Variants in SH3KBP1 observed in about 807,000 individuals in gnomAD.
SH3KBP1 encodes SH3 domain containing kinase binding protein 1, also known as SH3 domain-containing kinase-binding protein 1.
Under a neutral mutation model 50.1 loss-of-function variants are expected in SH3KBP1, and 8 were observed. The ratio of observed to expected loss-of-function variants is 0.16; its 90% confidence interval spans 0.09 to 0.29. The LOEUF is 0.29. Among genes scored for constraint, SH3KBP1 ranks in the 10% least tolerant of loss-of-function variants. The probability of loss-of-function intolerance (pLI) is 1.00; values close to 1 mark genes in which losing one functional copy is unlikely to be tolerated. For synonymous variants in SH3KBP1, 227 were observed against 218.6 expected, an observed-to-expected ratio of 1.04 and a Z score of -0.34; for missense variants, 377 against 535.2, an observed-to-expected ratio of 0.70 and a Z score of 2.92.
At chrX:19,583,683 A>AC in intron 12 of SH3KBP1, among the ~76,000 whole-genome samples, 1 of 108,687 alleles carries the variant, frequency 9.2e-6, no homozygotes, top group Non-Finnish European at 1.9e-5. Flanking sequence ...GTTTTCCTAG[A>AC]TATAATTCCT....
At chrX:19,608,154 T>G in intron 8 of SH3KBP1, 109 bp from the exon 9 acceptor site, 1 of 588,657 alleles carries the variant, frequency 1.7e-6, no homozygotes, top group Non-Finnish European at 2.7e-6. Flanking sequence ...TCCGTGTTAA[T>G]GAGGCAATGG....
chrX:19,878,508 G>C (rs1411731553), intron 1 of SH3KBP1, among the ~76,000 whole-genome samples: 1 of 72,397 alleles, frequency 1.4e-5, no homozygotes, highest in Non-Finnish European at 2.3e-5. Context: ...GTGTGTGTGA[G>C]AGAGAGAGAG....
chrX:19,711,806 AC>A (rs749688974), intron 3 of SH3KBP1, among the ~76,000 whole-genome samples: 1 of 110,985 alleles, frequency 9.0e-6, no homozygotes, highest in Admixed American at 9.6e-5. Flanking sequence ...ATCAAAAGAA[AC>A]CCCTAATTCC....
chrX:19,790,623 A>T (rs866245231), intron 2 of SH3KBP1, among the ~76,000 whole-genome samples: 20 of 111,108 alleles, frequency 1.8e-4, no homozygotes, highest in Non-Finnish European at 3.6e-4. Context: ...TACCAGCTAT[A>T]TTTTTTTTAA....
At chrX:19,728,620 T>C (rs745565383) in intron 3 of SH3KBP1, among the ~76,000 whole-genome samples, 1 of 112,562 alleles carries the variant, frequency 8.9e-6, no homozygotes, top group East Asian at 2.8e-4. Context: ...AACAAATGTT[T>C]GTCAGCTGTA....
intron 2 of SH3KBP1, among the ~76,000 whole-genome samples, chrX:19,824,063 G>T (rs767105667): frequency 9.0e-6 from 1 of 110,991 alleles, no homozygotes; most frequent in African/African-American, 3.3e-5. Flanking sequence ...CAAGTGATTC[G>T]CCCGCCTTGG....
intron 3 of SH3KBP1, among the ~76,000 whole-genome samples, chrX:19,742,517 C>T (rs773318489): frequency 1.8e-5 from 2 of 111,536 alleles, no homozygotes; most frequent in East Asian, 2.8e-4. Context: ...TTCAAACTTC[C>T]GTTTTATTCA....
At chrX:19,656,844 CAT>C (rs2062291715) in intron 6 of SH3KBP1, among the ~76,000 whole-genome samples, 1 of 111,968 alleles carries the variant, frequency 8.9e-6, no homozygotes, top group African/African-American at 3.2e-5. Flanking sequence ...AAAACATAGA[CAT>C]GTGAGAAACT....
At chrX:19,821,730 C>T (rs946514696) in intron 2 of SH3KBP1, among the ~76,000 whole-genome samples, 2 of 110,888 alleles carry the variant, frequency 1.8e-5, no homozygotes, top group Non-Finnish European at 3.8e-5. Context: ...GGGGTTTCAC[C>T]GTGTTAGCCA....
intron 4 of SH3KBP1, among the ~76,000 whole-genome samples, chrX:19,698,362 T>C (rs780438497): frequency 4.9e-4 from 55 of 112,053 alleles, no homozygotes; most frequent in African/African-American, 1.8e-3. Flanking sequence ...CCAAGATCCC[T>C]GAGGGAAGCC....
At chrX:19,540,190 G>C (rs2064842204) in intron 16 of SH3KBP1, among the ~76,000 whole-genome samples, 1 of 110,973 alleles carries the variant, frequency 9.0e-6, no homozygotes, top group African/African-American at 3.3e-5. Flanking sequence ...GATAGGAGCT[G>C]GGGACTTTAA....
chrX:19,555,314 A>ACT (rs748645152), intron 13 of SH3KBP1, among the ~76,000 whole-genome samples: 33 of 111,585 alleles, frequency 3.0e-4, no homozygotes, highest in Non-Finnish European at 5.6e-4. Context: ...AGGGCCTTTG[A>ACT]CTCTTCATGG....
chrX:19,838,561 G>T (rs2068122786), intron 1 of SH3KBP1, among the ~76,000 whole-genome samples: 1 of 111,799 alleles, frequency 8.9e-6, no homozygotes, highest in African/African-American at 3.3e-5. Flanking sequence ...AAGAAAGTAG[G>T]AGCTGTAGAC....
At chrX:19,690,714 A>T (rs1307499243) in intron 5 of SH3KBP1, among the ~76,000 whole-genome samples, 8 of 112,779 alleles carry the variant, frequency 7.1e-5, no homozygotes, top group Non-Finnish European at 1.5e-4. Context: ...TTGCCACTGC[A>T]CATTATTTAG....
chrX:19,700,784 T>C (rs1343546982), intron 4 of SH3KBP1, among the ~76,000 whole-genome samples: 4 of 112,082 alleles, frequency 3.6e-5, no homozygotes, highest in Non-Finnish European at 3.8e-5. Flanking sequence ...AAGCATTATC[T>C]AGGTCCTAAA....
Position 19,542,223 on chromosome X carries a change from G to C in SH3KBP1, c.1624-30C>G, listed in dbSNP as rs773109370. 4.4e-6 allele frequency: 5 copies of C among 1,138,795 alleles called. No individual in the cohort carries two copies. In the South Asian group the frequency reaches 6.4e-5, roughly 14 times the overall value. The allele number at this position is 1,138,795 out of a possible 1,213,427, so 93.8% of individuals were successfully genotyped here. A position where few individuals can be genotyped will look rare whatever the true frequency, so the allele number is the denominator to read the frequency against. ...GACGAGGGAAGGCAGGGAGGGTTCA[G>C]GGCCGGGGATTTGTGTGCTGCGTCT... is the stretch of plus-strand genomic sequence containing the variant. On this transcript the variant is annotated intron_variant, in intron 15 of 17. Transcript: ENST00000397821.
At chrX:19,834,643 G>C (rs1254869038) in intron 2 of SH3KBP1, among the ~76,000 whole-genome samples, 1 of 111,825 alleles carries the variant, frequency 8.9e-6, no homozygotes, top group Non-Finnish European at 1.9e-5. Flanking sequence ...TTCTCCAAAA[G>C]GCATAATTTT....
chrX:19,879,108 G>A (rs1940182923), intron 1 of SH3KBP1, among the ~76,000 whole-genome samples: 2 of 112,007 alleles, frequency 1.8e-5, no homozygotes, highest in Admixed American at 1.9e-4. Context: ...AGCTGGGCGT[G>A]GTGGCACGCA....
intron 8 of SH3KBP1, among the ~76,000 whole-genome samples, chrX:19,618,060 C>T (rs1217655938): frequency 9.0e-6 from 1 of 111,344 alleles, no homozygotes; most frequent in Non-Finnish European, 1.9e-5. Context: ...CTAAAGGCCT[C>T]TGTGTGCTCA....
Sources: gnomAD v4.1 joint callset for allele counts (sites outside exome capture counted in the v4.1 genomes callset) on GRCh38, gnomAD v4.1.1 for gene constraint, MANE v1.5 for transcripts, NCBI Gene and HGNC (gene_info 2026-07-23, HGNC 2026-07-21) for gene names.